MAN1A2: variants seen among roughly 807,000 people sequenced by gnomAD.
The protein encoded by MAN1A2 is mannosidase alpha class 1A member 2.
In MAN1A2, 26 loss-of-function variants were observed where a neutral mutation model predicts 75.7. That is an observed-to-expected ratio of 0.34 (90% CI 0.25 to 0.48). The LOEUF (loss-of-function observed/expected upper bound fraction) is 0.48. Ranked by LOEUF, MAN1A2 falls within the 20% of genes least tolerant of loss-of-function variation. MAN1A2 has a pLI of 0.99. For synonymous variants in MAN1A2, 247 were observed against 264.6 expected (o/e 0.93, Z 0.65); for missense variants, 562 against 775.5 (o/e 0.72, Z 3.27).
chr1:117,521,655 T>C (rs12124365), intron 12 of MAN1A2, among the ~76,000 whole-genome samples: 12,250 of 152,028 alleles, frequency 0.081, 750 homozygotes, highest in Admixed American at 0.19. Context: ...TACCATTTGA[T>C]CCAGCAATCC....
chr1:117,374,513 T>TA (rs930173928), intron 1 of MAN1A2, among the ~76,000 whole-genome samples: 35 of 149,190 alleles, frequency 2.3e-4, no homozygotes, highest in African/African-American at 3.9e-4. Flanking sequence ...GATTTGTCAT[T>TA]AAAAAAAAAA....
At chr1:117,452,874 A>G (rs1333269864) in intron 6 of MAN1A2, among the ~76,000 whole-genome samples, 1 of 152,244 alleles carries the variant, frequency 6.6e-6, no homozygotes, top group African/African-American at 2.4e-5. Flanking sequence ...TCTCATAGCT[A>G]AAGAGAAGTC....
chr1:117,488,805 T>A (rs1334829879), intron 8 of MAN1A2, among the ~76,000 whole-genome samples: 1 of 152,050 alleles, frequency 6.6e-6, no homozygotes, highest in East Asian at 1.9e-4. Context: ...ATAGCTCTTT[T>A]CCCCCATTTA....
chr1:117,414,991 G>A (rs1304688227), intron 4 of MAN1A2, among the ~76,000 whole-genome samples, 160 bp downstream of exon 4: 5 of 151,992 alleles, frequency 3.3e-5, no homozygotes, highest in Admixed American at 3.3e-4. Flanking sequence ...GAGGTGATTA[G>A]GTCATGAGGG....
chr1:117,408,503 A>G (rs1557938040), intron 3 of MAN1A2, among the ~76,000 whole-genome samples: 1 of 151,874 alleles, frequency 6.6e-6, no homozygotes, highest in Non-Finnish European at 1.5e-5. Flanking sequence ...ATATGTAAAT[A>G]TGTTCCTTTT....
intron 5 of MAN1A2, among the ~76,000 whole-genome samples, chr1:117,440,006 A>C (rs1570746211): frequency 1.3e-5 from 2 of 152,232 alleles, no homozygotes; most frequent in South Asian, 4.1e-4. Context: ...GTAGAAACAA[A>C]TTAAATGTCC....
At chr1:117,396,300 C>T (rs1177382307) in intron 1 of MAN1A2, among the ~76,000 whole-genome samples, 1 of 152,168 alleles carries the variant, frequency 6.6e-6, no homozygotes, top group Non-Finnish European at 1.5e-5. Context: ...ACACTTCTAT[C>T]AACTATGACA....
At chr1:117,403,793 T>C (rs1451370619) in intron 2 of MAN1A2, among the ~76,000 whole-genome samples, 1 of 152,192 alleles carries the variant, frequency 6.6e-6, no homozygotes. Flanking sequence ...GGCTAGGAGT[T>C]CTAATACATT....
chr1:117,466,103 A>G (rs150867862), intron 7 of MAN1A2, among the ~76,000 whole-genome samples: 87 of 152,186 alleles, frequency 5.7e-4, no homozygotes, highest in African/African-American at 2.0e-3. Flanking sequence ...TTTTCTCTGT[A>G]TTATTTTTAT....
At chr1:117,460,434 A>C in intron 6 of MAN1A2, 55 bp from the exon 7 acceptor site, 1 of 1,284,876 alleles carries the variant, frequency 7.8e-7, no homozygotes, top group Non-Finnish European at 1.1e-6. Context: ...CATTAAACGA[A>C]TGTTTTGGTC....
chr1:117,421,256 T>A (rs1007615309), intron 5 of MAN1A2, among the ~76,000 whole-genome samples: 2 of 152,090 alleles, frequency 1.3e-5, no homozygotes, highest in African/African-American at 4.8e-5. Context: ...AGTCATTTAT[T>A]TGTTTTTTGA....
At chr1:117,379,551 G>T (rs953968778) in intron 1 of MAN1A2, among the ~76,000 whole-genome samples, 3 of 152,054 alleles carry the variant, frequency 2.0e-5, no homozygotes, top group Non-Finnish European at 4.4e-5. Context: ...TCACATGGTT[G>T]TGTAACTACC....
Position 117,525,686 on chromosome 1 carries a change from C to A in MAN1A2, c.*2729C>A, listed in dbSNP as rs1354817418. On this transcript the variant is annotated 3_prime_UTR_variant, in exon 13 of 13. Coordinates refer to ENST00000356554, the MANE Select transcript of MAN1A2 (RefSeq NM_006699.5). ...ATTTTGAACACTGTTCTTCCTTCTA[C>A]ATTTATTTCTCTTCATTTTAGAATC... 1 of 151,832 alleles carries A rather than the reference C, an allele frequency of 6.6e-6. No individual in the cohort carries two copies. Among genetic ancestry groups the A allele is most frequent in the Non-Finnish European group, 1.5e-5 (1 of 67,818 alleles). The allele number at this position is 151,832 out of a possible 1,614,324, so 9.4% of individuals were successfully genotyped here.
At chr1:117,477,439 A>G (rs538877525) in intron 8 of MAN1A2, among the ~76,000 whole-genome samples, 2 of 152,178 alleles carry the variant, frequency 1.3e-5, no homozygotes, top group African/African-American at 4.8e-5. Flanking sequence ...TTTATCCACC[A>G]TGATCAAGTC....
chr1:117,408,489 A>G (rs568526936), intron 3 of MAN1A2, among the ~76,000 whole-genome samples: 2 of 148,280 alleles, frequency 1.3e-5, no homozygotes, highest in South Asian at 2.2e-4. Flanking sequence ...GTGTGTGTGT[A>G]TTTATATGTA....
At chr1:117,500,979 A>G (rs1221766635) in intron 11 of MAN1A2, among the ~76,000 whole-genome samples, 1 of 151,866 alleles carries the variant, frequency 6.6e-6, no homozygotes, top group Non-Finnish European at 1.5e-5. Flanking sequence ...CTCCTTATTT[A>G]CAGGAATGAG....
At position 117,526,880 on chromosome 1, in the gene MAN1A2, C is replaced by CTCTCTCTCTCTCTCTCTCTATATA; in HGVS notation, c.*3924_*3925insCTCTCTCTCTCTCTCTCTATATAT. ...TCTCTCTCTCTCTCTCTCTCTCTCT[C>CTCTCTCTCTCTCTCTCTCTATATA]TATATATATATATATATATATATAT... On this transcript the variant is annotated 3_prime_UTR_variant, in exon 13 of 13. Coordinates refer to ENST00000356554, the MANE Select transcript of MAN1A2 (RefSeq NM_006699.5). 2 of 54,520 alleles carry CTCTCTCTCTCTCTCTCTCTATATA rather than the reference C, an allele frequency of 3.7e-5. No individual in the cohort carries two copies. The highest frequency in any genetic ancestry group is 8.2e-5 in the African/African-American group (1 of 12,262). The allele number at this position is 54,520 out of a possible 1,614,324, so 3.4% of individuals were successfully genotyped here. A position where few individuals can be genotyped will look rare whatever the true frequency, so the allele number is the denominator to read the frequency against.
At chr1:117,445,882 G>GTATATATATATATATATATATATA (rs1224175021) in intron 6 of MAN1A2, among the ~76,000 whole-genome samples, 1 of 134,858 alleles carries the variant, frequency 7.4e-6, no homozygotes, top group Non-Finnish European at 1.6e-5. Context: ...GTCTGTGTGT[G>GTATATATATATATATATATATATA]TGTATATATA....
chr1:117,460,376 G>T (rs144985203), intron 6 of MAN1A2, 113 bp from the exon 7 acceptor site: 10 of 593,396 alleles, frequency 1.7e-5, no homozygotes, highest in South Asian at 1.0e-4. Context: ...ATAAGCTATC[G>T]TGTCAGATAT....
Sources: gnomAD v4.1 joint callset for allele counts (sites outside exome capture counted in the v4.1 genomes callset) on GRCh38, gnomAD v4.1.1 for gene constraint, MANE v1.5 for transcripts, NCBI Gene and HGNC (gene_info 2026-07-23, HGNC 2026-07-21) for gene names.